EPHA5: variants seen among roughly 807,000 people sequenced by gnomAD.
EPHA5 encodes ephrin type-A receptor 5.
EPHA5 carries 60 observed loss-of-function variants against 105.0 expected under a neutral mutation model. That is an observed-to-expected ratio of 0.57 (90% CI 0.46 to 0.71). The LOEUF (loss-of-function observed/expected upper bound fraction) is 0.71. Ranked by LOEUF, EPHA5 falls within the 30% of genes least tolerant of loss-of-function variation. The probability of loss-of-function intolerance (pLI) is 0.00; values close to 1 mark genes in which losing one functional copy is unlikely to be tolerated. For missense variants in EPHA5, 1,218 were observed against 1,274.7 expected (o/e 0.96, Z 0.68); for synonymous variants, 513 against 449.1 (o/e 1.14, Z -1.80).
intron 3 of EPHA5, among the ~76,000 whole-genome samples, chr4:65,594,382 T>G (rs1034079202): frequency 9.2e-5 from 14 of 152,168 alleles, no homozygotes; most frequent in African/African-American, 3.4e-4. Context: ...CCATTAATGT[T>G]AAGATTCATT....
chr4:65,620,864 C>G (rs914106592), intron 2 of EPHA5, among the ~76,000 whole-genome samples: 8 of 152,120 alleles, frequency 5.3e-5, no homozygotes, highest in African/African-American at 1.9e-4. Flanking sequence ...TTCCCATATG[C>G]TTTTTCCATA....
At chr4:65,362,696 G>T (rs1246904387) in intron 11 of EPHA5, among the ~76,000 whole-genome samples, 2 of 151,538 alleles carry the variant, frequency 1.3e-5, no homozygotes, top group Non-Finnish European at 3.0e-5. Flanking sequence ...CCTAAAAAAT[G>T]CATATACAAT....
At position 65,399,473 on chromosome 4, in the gene EPHA5, G is replaced by T. The variant is rs191128969; in HGVS notation, c.1793+4901C>A. Among the ~76,000 whole-genome samples, 257 of 152,312 alleles carry T rather than the reference G, an allele frequency of 1.7e-3. 2 individuals carry two copies. Among genetic ancestry groups the T allele is most frequent in the African/African-American group, 5.9e-3 (246 of 41,590 alleles). ...CAGGCCTGAGCAAAACTCAGGCAAA[G>T]GTGCCCCTGGCCACAGAGGCTTCTG... On this transcript the variant is annotated intron_variant, in intron 8 of 16. Transcript: ENST00000613740.
intron 5 of EPHA5, among the ~76,000 whole-genome samples, chr4:65,483,364 G>C (rs527497447): frequency 1.3e-5 from 2 of 152,112 alleles, no homozygotes; most frequent in East Asian, 3.9e-4. Context: ...ACAATCCTTT[G>C]GGTATATACC....
chr4:65,468,522 C>A, intron 5 of EPHA5, among the ~76,000 whole-genome samples: 1 of 137,452 alleles, frequency 7.3e-6, no homozygotes, highest in Admixed American at 7.9e-5. Context: ...CACATATATA[C>A]AGACACACAC....
At chr4:65,372,669 G>T (rs1718600032) in intron 8 of EPHA5, among the ~76,000 whole-genome samples, 1 of 151,838 alleles carries the variant, frequency 6.6e-6, no homozygotes, top group Admixed American at 6.6e-5. Flanking sequence ...CACACAAAAT[G>T]AGAAAACAAT....
chr4:65,601,525 T>G, intron 3 of EPHA5, 116 bp downstream of exon 3: 1 of 1,033,242 alleles, frequency 9.7e-7, no homozygotes, highest in Non-Finnish European at 1.4e-6. Context: ...TTGAGAGAAA[T>G]AATCTCCATA....
At chr4:65,339,496 A>G (rs191415813) in intron 14 of EPHA5, among the ~76,000 whole-genome samples, 3 of 152,278 alleles carry the variant, frequency 2.0e-5, no homozygotes, top group Admixed American at 2.0e-4. Context: ...CAATTTAACT[A>G]TAACTTTGTT....
At chr4:65,361,276 A>T (rs1717286712) in intron 11 of EPHA5, among the ~76,000 whole-genome samples, 1 of 151,698 alleles carries the variant, frequency 6.6e-6, no homozygotes, top group African/African-American at 2.4e-5. Flanking sequence ...CATTTGAATT[A>T]AACCTGAAGG....
intron 13 of EPHA5, among the ~76,000 whole-genome samples, chr4:65,348,841 G>C: frequency 1.2e-5 from 1 of 80,202 alleles, no homozygotes; most frequent in Non-Finnish European, 2.5e-5. Flanking sequence ...TTTGAGACAG[G>C]GTCTCGCTCT....
At position 65,348,074 on chromosome 4, in the gene EPHA5, A is replaced by T. The variant is rs1246290968; in HGVS notation, c.2575T>A (p.Trp859Arg). The change falls in exon 14 of 17, where the codon TGG (tryptophan) becomes AGG (arginine). Residue 859 changes from tryptophan (W) to arginine (R), a missense_variant. Around this residue, in one of 3 missense-constraint regions of EPHA5, gnomAD observed 971 missense variants for 1,013.5 expected, o/e 0.96. Coordinates refer to ENST00000613740, the MANE Select transcript of EPHA5 (RefSeq NM_001281766.3). ...CTCACATCTTGATTGGTCATCTCCC[A>T]GTAGGGTCTCTCTCCATAAGACACA... Reference protein sequence around the residue: ...EVVSYGERPYWEMTNQDVIKA... With the variant: ...EVVSYGERPYREMTNQDVIKA... 6.2e-7 allele frequency: 1 copy of T among 1,608,434 alleles called. No homozygotes were observed.
At chr4:65,465,702 G>A (rs1728653089) in intron 5 of EPHA5, among the ~76,000 whole-genome samples, 1 of 152,132 alleles carries the variant, frequency 6.6e-6, no homozygotes, top group Admixed American at 6.6e-5. Context: ...GTTGGACTAT[G>A]TAGTAGTAGT....
At chr4:65,508,438 T>A (rs1293051126) in intron 3 of EPHA5, among the ~76,000 whole-genome samples, 2 of 152,118 alleles carry the variant, frequency 1.3e-5, no homozygotes, top group African/African-American at 4.8e-5. Flanking sequence ...ATAGAAGTAA[T>A]GTTTTCAGTC....
intron 1 of EPHA5, among the ~76,000 whole-genome samples, chr4:65,669,134 C>T (rs1227955673): frequency 6.6e-6 from 1 of 152,040 alleles, no homozygotes; most frequent in Non-Finnish European, 1.5e-5. Flanking sequence ...TTCTAAAAGC[C>T]CCACTGCTCC....
At chr4:65,449,284 C>T (rs564370320) in intron 5 of EPHA5, among the ~76,000 whole-genome samples, 52 of 152,160 alleles carry the variant, frequency 3.4e-4, no homozygotes, top group African/African-American at 1.1e-3. Context: ...AAATGGGATA[C>T]ATTTAGCACC....
At chr4:65,572,703 G>T (rs1205327082) in intron 3 of EPHA5, among the ~76,000 whole-genome samples, 1 of 152,138 alleles carries the variant, frequency 6.6e-6, no homozygotes, top group East Asian at 1.9e-4. Flanking sequence ...AAACAAGAGA[G>T]CATGTCCTTT....
At chr4:65,661,532 G>A (rs75931985) in intron 1 of EPHA5, among the ~76,000 whole-genome samples, 5,415 of 152,178 alleles carry the variant, frequency 0.036, 318 homozygotes, top group African/African-American at 0.12. Context: ...AGGACACCCA[G>A]TATGGCATTA....
intron 1 of EPHA5, among the ~76,000 whole-genome samples, chr4:65,656,016 A>G (rs1424933060): frequency 1.3e-5 from 2 of 151,606 alleles, no homozygotes; most frequent in African/African-American, 2.4e-5. Flanking sequence ...GTACAAGCAT[A>G]TGGAGGGAAA....
intron 5 of EPHA5, among the ~76,000 whole-genome samples, chr4:65,478,051 T>C (rs967553668): frequency 2.0e-5 from 3 of 152,216 alleles, no homozygotes; most frequent in African/African-American, 7.2e-5. Flanking sequence ...TATAGACATA[T>C]TAATTGGATT....
Sources: gnomAD v4.1 joint callset for allele counts (sites outside exome capture counted in the v4.1 genomes callset) on GRCh38, gnomAD v4.1.1 for gene constraint, gnomAD v4.1.1 regional missense constraint, MANE v1.5 for transcripts, NCBI Gene and HGNC (gene_info 2026-07-23, HGNC 2026-07-21) for gene names.